Variants in RSU1 observed in about 807,000 individuals in gnomAD.
RSU1 encodes rsu-1.
RSU1 carries 26 observed loss-of-function variants against 31.1 expected under a neutral mutation model. The observed-to-expected ratio is 0.84, with a 90% CI of 0.61 to 1.16. The LOEUF (loss-of-function observed/expected upper bound fraction) is 1.16, where lower values mean the gene tolerates loss of function less well. RSU1 is among the 50% of genes most tolerant of loss of function. The pLI is 0.00. For synonymous variants in RSU1, 164 were observed against 136.3 expected (o/e 1.20, Z -1.41); for missense variants, 320 against 339.1 (o/e 0.94, Z 0.44).
intron 8 of RSU1, among the ~76,000 whole-genome samples, chr10:16,693,002 G>A (rs899881069): frequency 1.3e-5 from 2 of 151,686 alleles, no homozygotes; most frequent in East Asian, 1.9e-4. Context: ...TTGCTCTGTC[G>A]CCCAGGCTGG....
intron 4 of RSU1, among the ~76,000 whole-genome samples, chr10:16,757,173 T>C (rs192118683): frequency 4.6e-5 from 7 of 151,930 alleles, no homozygotes; most frequent in African/African-American, 1.7e-4. Flanking sequence ...TTCTACACTA[T>C]CTTTTATCCT....
intron 8 of RSU1, among the ~76,000 whole-genome samples, chr10:16,659,234 T>C (rs1834843003): frequency 6.6e-6 from 1 of 152,078 alleles, no homozygotes. Flanking sequence ...TTTATTAATC[T>C]TTCCTTTACA....
At chr10:16,678,796 C>CATTA (rs1323457476) in intron 8 of RSU1, among the ~76,000 whole-genome samples, 1 of 152,130 alleles carries the variant, frequency 6.6e-6, no homozygotes, top group Admixed American at 6.5e-5. Flanking sequence ...AGATAACCAC[C>CATTA]ATTACTACAT....
intron 2 of RSU1, among the ~76,000 whole-genome samples, chr10:16,797,844 T>C (rs1015299011): frequency 6.9e-6 from 1 of 144,762 alleles, no homozygotes; most frequent in African/African-American, 2.6e-5. Flanking sequence ...GAAGTTAAAG[T>C]GGGGATTTCT....
At chr10:16,705,400 T>C (rs1447006352) in intron 7 of RSU1, among the ~76,000 whole-genome samples, 1 of 152,210 alleles carries the variant, frequency 6.6e-6, no homozygotes, top group East Asian at 1.9e-4. Context: ...TATAATACAA[T>C]GTAAATGTGA....
chr10:16,697,617 T>C (rs1294889288), intron 7 of RSU1, among the ~76,000 whole-genome samples: 1 of 148,986 alleles, frequency 6.7e-6, no homozygotes, highest in Non-Finnish European at 1.5e-5. Context: ...TGAGCCGAAA[T>C]GGCACCACTG....
rs1006843249 is a variant in RSU1, at chr10:16,775,569, C to T, written c.160+6465G>A. Among the ~76,000 whole-genome samples the T allele has an allele frequency of 1.8e-4, 27 of 152,264 alleles. 2 individuals are homozygous for T. Among genetic ancestry groups the T allele is most frequent in the Non-Finnish European group, 3.7e-4 (25 of 68,018 alleles). Reference sequence around the variant, plus strand: ...AAGCTGAGGACAGATTAGATGCCACCGGCAGGACACGTCTTCGACTTCATT... The same window carrying T: ...AAGCTGAGGACAGATTAGATGCCACTGGCAGGACACGTCTTCGACTTCATT... On this transcript the variant is annotated intron_variant, in intron 3 of 8. Coordinates refer to ENST00000345264, the MANE Select transcript of RSU1 (RefSeq NM_012425.4).
At chr10:16,787,431 G>A (rs932090049) in intron 2 of RSU1, among the ~76,000 whole-genome samples, 6 of 152,004 alleles carry the variant, frequency 3.9e-5, no homozygotes, top group African/African-American at 7.3e-5. Context: ...CAACCCGCAC[G>A]GCTGCTCCCT....
chr10:16,611,269 G>A (rs1484848867), intron 8 of RSU1, among the ~76,000 whole-genome samples: 4 of 152,192 alleles, frequency 2.6e-5, no homozygotes, highest in Admixed American at 2.6e-4. Flanking sequence ...AGGGAAGACG[G>A]GCTGCAGGGA....
chr10:16,612,411 C>A (rs1169413909), intron 8 of RSU1, among the ~76,000 whole-genome samples: 1 of 152,186 alleles, frequency 6.6e-6, no homozygotes, highest in African/African-American at 2.4e-5. Flanking sequence ...CACCAAGATT[C>A]TGCCTGGAGG....
intron 8 of RSU1, among the ~76,000 whole-genome samples, chr10:16,598,042 C>T (rs1053243136): frequency 2.0e-5 from 3 of 152,320 alleles, no homozygotes; most frequent in East Asian, 1.9e-4. Flanking sequence ...TTACGAGCCA[C>T]GGGGCCTCAA....
At chr10:16,698,286 A>G (rs1040743789) in intron 7 of RSU1, among the ~76,000 whole-genome samples, 2 of 152,008 alleles carry the variant, frequency 1.3e-5, no homozygotes, top group Non-Finnish European at 2.9e-5. Flanking sequence ...TTGCTCGATC[A>G]TCCGAAACTG....
intron 8 of RSU1, among the ~76,000 whole-genome samples, chr10:16,672,734 G>C (rs1261883418): frequency 6.6e-6 from 1 of 151,996 alleles, no homozygotes; most frequent in East Asian, 1.9e-4. Flanking sequence ...TGAAGGGAGA[G>C]GCACAAATGA....
At chr10:16,664,448 T>C (rs987819870) in intron 8 of RSU1, among the ~76,000 whole-genome samples, 16 of 152,226 alleles carry the variant, frequency 1.1e-4, no homozygotes, top group African/African-American at 3.9e-4. Flanking sequence ...ACATACTGCC[T>C]AAAATTTCAT....
intron 2 of RSU1, among the ~76,000 whole-genome samples, chr10:16,814,590 G>A (rs1401549971): frequency 4.6e-5 from 7 of 152,110 alleles, no homozygotes; most frequent in Admixed American, 1.3e-4. Context: ...TGGAGGCTTC[G>A]AAGAGCATCC....
chr10:16,682,552 ACACACACACACACACACACATG>A (rs978443310), intron 8 of RSU1, among the ~76,000 whole-genome samples: 7 of 148,082 alleles, frequency 4.7e-5, no homozygotes, highest in Non-Finnish European at 1.0e-4. Context: ...ACACACACAC[ACACACACACACACACACACATG>A]CATGCATGTT....
chr10:16,658,608 C>T (rs1481039806), intron 8 of RSU1, among the ~76,000 whole-genome samples: 1 of 152,094 alleles, frequency 6.6e-6, no homozygotes, highest in African/African-American at 2.4e-5. Flanking sequence ...CCTGTAATCC[C>T]AGCTACTCAG....
intron 3 of RSU1, among the ~76,000 whole-genome samples, chr10:16,776,859 T>C (rs982975217): frequency 3.3e-5 from 5 of 151,692 alleles, no homozygotes; most frequent in Admixed American, 3.3e-4. Flanking sequence ...ATTCCTTGGC[T>C]CTATGATTGT....
rs68128821 is a variant in RSU1 at position 16,682,535 on chromosome 10, TACACACACAC to T, written c.731+12478_731+12487del. Among the ~76,000 whole-genome samples the T allele has an allele frequency of 3.4e-3, 90 of 26,506 alleles. 1 individual carries two copies. The South Asian group carries it at 0.044, about 13-fold the overall frequency. 17.4% of individuals were successfully genotyped at this position (26,506 alleles called of 152,430 possible). On this transcript the variant is annotated intron_variant, in intron 8 of 8. Coordinates refer to ENST00000345264, the MANE Select transcript of RSU1 (RefSeq NM_012425.4). Reference sequence around the variant, plus strand: ...CTCCATGGTCTTTTAAAATCATTCATACACACACACACACACACACACACACACACACACA... The same window carrying T: ...CTCCATGGTCTTTTAAAATCATTCATACACACACACACACACACACACACA...
Sources: gnomAD v4.1 joint callset for allele counts (sites outside exome capture counted in the v4.1 genomes callset) on GRCh38, gnomAD v4.1.1 for gene constraint, MANE v1.5 for transcripts, NCBI Gene and HGNC (gene_info 2026-07-23, HGNC 2026-07-21) for gene names.